CAPN11: variants seen among roughly 807,000 people sequenced by gnomAD.
The protein encoded by CAPN11 is calpain 11.
Under a neutral mutation model 105.3 loss-of-function variants are expected in CAPN11, and 108 were observed. The ratio of observed to expected loss-of-function variants is 1.03; its 90% confidence interval spans 0.88 to 1.20. CAPN11 has a LOEUF of 1.20. Ranked by LOEUF, CAPN11 falls within the 50% of genes most tolerant of loss-of-function variation. The pLI is 0.00. For synonymous variants in CAPN11, 329 were observed against 344.5 expected (o/e 0.96, Z 0.50); for missense variants, 883 against 924.8 (o/e 0.95, Z 0.59).
At chr6:44,175,219 C>CG (rs1369308057) in intron 7 of CAPN11, among the ~76,000 whole-genome samples, 32 of 152,310 alleles carry the variant, frequency 2.1e-4, no homozygotes, top group African/African-American at 7.5e-4. Flanking sequence ...GTGCCTCACA[C>CG]CTGCAATCCC....
chr6:44,166,220 T>A (rs754850062), intron 1 of CAPN11, among the ~76,000 whole-genome samples: 2 of 152,084 alleles, frequency 1.3e-5, no homozygotes, highest in Non-Finnish European at 2.9e-5. Flanking sequence ...ATGCCTTTGT[T>A]AACAGAGATG....
At position 44,173,311 on chromosome 6, in the gene CAPN11, G is replaced by A; in HGVS notation, c.756G>A (p.Gln252=). 1 of 1,613,956 alleles carries A rather than the reference G, an allele frequency of 6.2e-7. No individual in the cohort carries two copies. The highest frequency in any genetic ancestry group is 8.5e-7 in the Non-Finnish European group (1 of 1,179,886). The change falls in exon 7 of 23, where the codon CAG becomes CAA. Residue 252 remains glutamine (Q), a synonymous_variant. Transcript: ENST00000398776. ...TGGVAQSFQL[Q]RPPQNLLRLL... ...GCGTGGCCCAGAGCTTCCAACTCCA[G>A]AGGCCCCCTCAGAACCTGCTCAGGC...
chr6:44,171,495 G>A (rs927189108), intron 4 of CAPN11, among the ~76,000 whole-genome samples: 2 of 152,164 alleles, frequency 1.3e-5, no homozygotes, highest in Non-Finnish European at 2.9e-5. Context: ...GACTGGATCT[G>A]TTGGAAGAAT....
intron 4 of CAPN11, among the ~76,000 whole-genome samples, chr6:44,170,520 T>C (rs1182350917): frequency 1.3e-5 from 2 of 152,140 alleles, no homozygotes; most frequent in African/African-American, 2.4e-5. Flanking sequence ...TGCTTGAGTG[T>C]CCACGCAACG....
intron 2 of CAPN11, 60 bp downstream of exon 2, chr6:44,166,889 C>T (rs1769975930): frequency 4.2e-6 from 5 of 1,181,854 alleles, no homozygotes; most frequent in Non-Finnish European, 6.1e-6. Flanking sequence ...CTCCTTCACT[C>T]TCTTCTCTTC....
intron 1 of CAPN11, chr6:44,162,043 A>G: frequency 2.6e-6 from 1 of 381,904 alleles, no homozygotes; most frequent in Admixed American, 2.9e-5. Context: ...AGATGCCAGT[A>G]GCTCCCCTGA....
chr6:44,181,389 G>T, intron 19 of CAPN11, 69 bp downstream of exon 19: 1 of 1,256,940 alleles, frequency 8.0e-7, no homozygotes. Flanking sequence ...TGGAACTAAT[G>T]AGGGGAAGCT....
intron 10 of CAPN11, 83 bp from the exon 11 acceptor site, chr6:44,176,755 G>T: frequency 6.3e-7 from 1 of 1,578,608 alleles, no homozygotes; most frequent in Non-Finnish European, 8.6e-7. Context: ...GGAGGCTTGG[G>T]GTGGTTGTGG....
chr6:44,172,881 A>C (rs1771256358), intron 5 of CAPN11, 59 bp from the exon 6 acceptor site: 2 of 1,579,374 alleles, frequency 1.3e-6, no homozygotes, highest in Admixed American at 3.5e-5. Flanking sequence ...AGGTCTGGCC[A>C]CTAGGAGGCG....
chr6:44,169,624 C>A (rs903239093), intron 3 of CAPN11, 93 bp downstream of exon 3: 3 of 1,307,758 alleles, frequency 2.3e-6, no homozygotes, highest in African/African-American at 3.0e-5. Context: ...TTCAACCCCC[C>A]ACTACCCCAT....
chr6:44,166,844 C>T lies in CAPN11; in HGVS notation c.88+15C>T, dbSNP rs914503. 1,126,440 of 1,533,772 alleles carry T rather than the reference C, an allele frequency of 0.73. 417,654 individuals are homozygous for T. The highest frequency in any genetic ancestry group is 0.93 in the African/African-American group (67,361 of 72,672). On this transcript the variant is annotated intron_variant, in intron 2 of 22. Coordinates refer to ENST00000398776, the MANE Select transcript of CAPN11 (RefSeq NM_007058.4). ...CTCATGTGCGGGTAGGACTGCAGAC[C>T]CGTCGTGGCTCTGTGGCCTCCCTTT... is the stretch of plus-strand genomic sequence containing the variant.
chr6:44,161,817 T>C (rs541840314), intron 1 of CAPN11: 1 of 456,188 alleles, frequency 2.2e-6, no homozygotes, highest in East Asian at 6.9e-5. Context: ...ACACCCTCAG[T>C]CCTCGGAGCA....
chr6:44,172,181 C>T (rs9367185), intron 4 of CAPN11, 121 bp from the exon 5 acceptor site: 264,695 of 583,024 alleles, frequency 0.45, 61,815 homozygotes, highest in East Asian at 0.49. Context: ...GGTGCCTCTC[C>T]GCCGGGGGGG....
At chr6:44,183,845 C>A (rs907259619) in intron 22 of CAPN11, 61 bp from the exon 23 acceptor site, 5 of 1,570,150 alleles carry the variant, frequency 3.2e-6, no homozygotes, top group Non-Finnish European at 4.3e-6. Context: ...CTCTGATGTC[C>A]CCGGGCCAGC....
chr6:44,162,290 C>T (rs924725424), intron 1 of CAPN11, among the ~76,000 whole-genome samples: 168 of 151,986 alleles, frequency 1.1e-3, no homozygotes, highest in African/African-American at 3.8e-3. Context: ...ACCCTTCCCT[C>T]GGAACCCTCT....
chr6:44,178,901 C>T (rs558631896), intron 12 of CAPN11, among the ~76,000 whole-genome samples: 10 of 152,052 alleles, frequency 6.6e-5, no homozygotes, highest in African/African-American at 1.9e-4. Flanking sequence ...TCAGCCTGGG[C>T]GCAGAGTGAG....
At chr6:44,181,474 T>TC (rs1773248605) in intron 19 of CAPN11, among the ~76,000 whole-genome samples, 154 bp downstream of exon 19, 2 of 11,964 alleles carry the variant, frequency 1.7e-4, no homozygotes, top group African/African-American at 5.3e-4. Context: ...CACACTCACA[T>TC]ACAGACACAA....
In CAPN11 at chr6:44,180,459, G is replaced by C. The variant is rs747871594; in HGVS notation, c.1641-1G>C. ...CTTGAGCTTTCAATCATTTTGCCCA[G>C]GGAATTGGATGAAGTCAACTATGCT... On this transcript the variant is annotated splice_acceptor_variant, in intron 14 of 22. Transcript: ENST00000398776. LOFTEE classifies it high-confidence loss of function. The C allele has an allele frequency of 3.1e-6, 5 of 1,613,574 alleles. No homozygotes were observed. Among genetic ancestry groups the C allele is most frequent in the Non-Finnish European group, 4.2e-6 (5 of 1,179,802 alleles).
Position 44,183,253 on chromosome 6 carries a change from C to T in CAPN11, c.2134+18C>T. ...CATGTTCAGTGAGTTAGGCATCTACCCACTCCCCAGCCTAGGCCAGGGGCC... is the reference window on the plus strand; with the variant it reads ...CATGTTCAGTGAGTTAGGCATCTACTCACTCCCCAGCCTAGGCCAGGGGCC... On this transcript the variant is annotated intron_variant, in intron 21 of 22. Coordinates refer to ENST00000398776, the MANE Select transcript of CAPN11 (RefSeq NM_007058.4). The T allele has an allele frequency of 1.3e-6, 2 of 1,515,108 alleles. No homozygotes were observed. The highest frequency in any genetic ancestry group is 1.1e-5 in the South Asian group (1 of 89,108). 93.9% of individuals were successfully genotyped at this position (1,515,108 alleles called of 1,614,324 possible).
Sources: allele counts gnomAD v4.1 joint callset (sites outside exome capture counted in the v4.1 genomes callset), GRCh38; gene constraint gnomAD v4.1.1; transcripts MANE v1.5; gene names NCBI Gene and HGNC (gene_info 2026-07-23, HGNC 2026-07-21).